The following RPRD1B variants were observed in gnomAD, a reference collection of about 807,000 sequenced individuals.
RPRD1B encodes the protein regulation of nuclear pre-mRNA domain-containing protein 1B.
RPRD1B carries 11 observed loss-of-function variants against 41.5 expected under a neutral mutation model. The observed-to-expected ratio is 0.27, with a 90% CI of 0.17 to 0.44. RPRD1B has a LOEUF of 0.44. RPRD1B is among the 20% of genes least tolerant of loss of function. The pLI is 1.00. For missense variants in RPRD1B, 248 were observed against 389.9 expected (o/e 0.64, Z 3.06); for synonymous variants, 158 against 155.6 (o/e 1.02, Z -0.12).
intron 1 of RPRD1B, 103 bp downstream of exon 1, chr20:38,034,201 G>C: frequency 7.9e-7 from 1 of 1,262,442 alleles, no homozygotes. Context: ...TGCTTTCCAG[G>C]CCTGATCGAG....
rs372485988 is a variant in RPRD1B at position 38,077,606 on chromosome 20, C to T, written c.831+11350C>T. Among the ~76,000 whole-genome samples, 60 of 152,256 alleles carry T rather than the reference C, an allele frequency of 3.9e-4. No individual in the cohort carries two copies. The South Asian group carries it at 0.011, about 27-fold the overall frequency. ...ATCTTCCATAGCTGAGTAGGTGCTA[C>T]GCCAGTGTGGTTTTTGCTCCCTCTC... On this transcript the variant is annotated intron_variant, in intron 6 of 6. Coordinates refer to ENST00000373433, the MANE Select transcript of RPRD1B (RefSeq NM_021215.4).
intron 1 of RPRD1B, 152 bp downstream of exon 1, chr20:38,034,250 A>G: frequency 1.1e-6 from 1 of 913,668 alleles, no homozygotes; most frequent in Non-Finnish European, 1.6e-6. Flanking sequence ...CATTTCTCGA[A>G]GAAGGAAACT....
chr20:38,081,910 A>G (rs1212719304), intron 6 of RPRD1B, among the ~76,000 whole-genome samples: 2 of 152,216 alleles, frequency 1.3e-5, no homozygotes, highest in Non-Finnish European at 2.9e-5. Flanking sequence ...AATAAAGCCT[A>G]CTTGATCATG....
intron 5 of RPRD1B, among the ~76,000 whole-genome samples, chr20:38,062,110 G>A (rs1030417482): frequency 1.3e-5 from 2 of 152,194 alleles, no homozygotes; most frequent in Non-Finnish European, 2.9e-5. Context: ...GGAAGCAACT[G>A]TGATAAGGCA....
chr20:38,058,718 C>CCTT (rs984183907), intron 4 of RPRD1B, among the ~76,000 whole-genome samples: 5 of 152,036 alleles, frequency 3.3e-5, no homozygotes, highest in African/African-American at 7.2e-5. Flanking sequence ...TTTTCCTTCT[C>CCTT]CTTCTTGAGA....
intron 3 of RPRD1B, among the ~76,000 whole-genome samples, chr20:38,055,901 G>A (rs756284590): frequency 1.3e-5 from 2 of 152,076 alleles, no homozygotes; most frequent in Non-Finnish European, 2.9e-5. Flanking sequence ...AGCAAAATTT[G>A]TACTTTATGC....
At chr20:38,037,403 C>A (rs1423960548) in intron 1 of RPRD1B, among the ~76,000 whole-genome samples, 1 of 152,136 alleles carries the variant, frequency 6.6e-6, no homozygotes. Context: ...TCAAAACCAG[C>A]CAAACAAGTG....
chr20:38,074,773 G>T (rs1313164385), intron 6 of RPRD1B, among the ~76,000 whole-genome samples: 2 of 151,884 alleles, frequency 1.3e-5, no homozygotes, highest in African/African-American at 4.8e-5. Flanking sequence ...TTCTTTTTTT[G>T]ATTGTAAAAG....
intron 3 of RPRD1B, 130 bp from the exon 4 acceptor site, chr20:38,057,402 G>A: frequency 1.6e-6 from 1 of 631,908 alleles, no homozygotes; most frequent in Non-Finnish European, 2.9e-6. Context: ...TAGCATAAAG[G>A]TTACTATTAA....
chr20:38,044,004 T>C (rs1488624318), intron 2 of RPRD1B, among the ~76,000 whole-genome samples: 1 of 152,198 alleles, frequency 6.6e-6, no homozygotes, highest in Non-Finnish European at 1.5e-5. Context: ...ATTTACTTAT[T>C]GTTGTGGGCC....
intron 6 of RPRD1B, among the ~76,000 whole-genome samples, chr20:38,068,833 C>T (rs1045599410): frequency 2.0e-5 from 3 of 152,154 alleles, no homozygotes; most frequent in Admixed American, 1.3e-4. Context: ...TTGAAAGATG[C>T]GTGAATACTG....
At chr20:38,053,341 A>C (rs1258897856) in intron 3 of RPRD1B, among the ~76,000 whole-genome samples, 3 of 152,200 alleles carry the variant, frequency 2.0e-5, no homozygotes, top group Non-Finnish European at 4.4e-5. Context: ...ATAACTGCTG[A>C]CTTCGTAGCA....
chr20:38,052,259 G>A (rs1170234179), intron 3 of RPRD1B, among the ~76,000 whole-genome samples: 1 of 152,206 alleles, frequency 6.6e-6, no homozygotes, highest in Non-Finnish European at 1.5e-5. Context: ...CTAATGTGCT[G>A]AGTTTCTATA....
Position 38,091,999 on chromosome 20 carries a change from C to T in RPRD1B, c.*2124C>T, listed in dbSNP as rs1011141126. On this transcript the variant is annotated 3_prime_UTR_variant, in exon 7 of 7. Coordinates refer to ENST00000373433, the MANE Select transcript of RPRD1B (RefSeq NM_021215.4). ...GATGAAATGCTTTCGTTTTTTAAATCTTAATTCTGCTGTCCACATCCTCCC... is the reference window on the plus strand; with the variant it reads ...GATGAAATGCTTTCGTTTTTTAAATTTTAATTCTGCTGTCCACATCCTCCC... 24 of 985,780 alleles carry T rather than the reference C, an allele frequency of 2.4e-5. No individual in the cohort carries two copies. Among genetic ancestry groups the T allele is most frequent in the Non-Finnish European group, 2.8e-5 (23 of 829,870 alleles). 61.1% of individuals were successfully genotyped at this position (985,780 alleles called of 1,614,324 possible).
chr20:38,044,518 C>T lies in RPRD1B; in HGVS notation c.282-3830C>T, dbSNP rs185136062. Among the ~76,000 whole-genome samples, 871 of 152,032 alleles carry T rather than the reference C, an allele frequency of 5.7e-3. 4 individuals carry two copies. Among genetic ancestry groups the T allele is most frequent in the African/African-American group, 0.019 (773 of 41,444 alleles). ...CCTCCCAAGTAGCTGGGACTACAGG[C>T]GCCCGCCATGATGCCCGGCTAATTT... is the stretch of plus-strand genomic sequence containing the variant. On this transcript the variant is annotated intron_variant, in intron 2 of 6. Coordinates refer to ENST00000373433, the MANE Select transcript of RPRD1B (RefSeq NM_021215.4).
chr20:38,063,968 C>G (rs1178938994), intron 5 of RPRD1B, among the ~76,000 whole-genome samples: 2 of 152,130 alleles, frequency 1.3e-5, no homozygotes, highest in Non-Finnish European at 2.9e-5. Context: ...AATTGATTTT[C>G]TTTTTAATCT....
At chr20:38,072,311 C>T (rs1292138818) in intron 6 of RPRD1B, among the ~76,000 whole-genome samples, 2 of 152,154 alleles carry the variant, frequency 1.3e-5, no homozygotes, top group South Asian at 2.1e-4. Flanking sequence ...GCACCCTTGT[C>T]AAAAATCAAT....
At chr20:38,058,495 TG>T (rs1284042075) in intron 4 of RPRD1B, among the ~76,000 whole-genome samples, 1 of 152,188 alleles carries the variant, frequency 6.6e-6, no homozygotes, top group Non-Finnish European at 1.5e-5. Context: ...AGCTACTCCT[TG>T]GTGATTATGG....
chr20:38,054,909 T>G (rs1474212149), intron 3 of RPRD1B, among the ~76,000 whole-genome samples: 1 of 152,240 alleles, frequency 6.6e-6, no homozygotes, highest in Admixed American at 6.5e-5. Context: ...ATGGGTCATA[T>G]AGCACACATT....
Sources: gnomAD v4.1 joint callset for allele counts (sites outside exome capture counted in the v4.1 genomes callset) on GRCh38, gnomAD v4.1.1 for gene constraint, MANE v1.5 for transcripts, NCBI Gene and HGNC (gene_info 2026-07-23, HGNC 2026-07-21) for gene names.